Variants in THADA observed in about 807,000 individuals in gnomAD.
THADA encodes tRNA (32-2'-O)-methyltransferase regulator THADA.
A neutral mutation model predicts 219.8 loss-of-function variants in THADA; 213 were observed. That is an observed-to-expected ratio of 0.97 (90% CI 0.87 to 1.09). The LOEUF (loss-of-function observed/expected upper bound fraction) is 1.09. Ranked by LOEUF, THADA falls within the 50% of genes least tolerant of loss-of-function variation. The pLI is 0.00. For missense variants in THADA, 2,956 were observed against 2,311.3 expected (o/e 1.28, Z -5.72); for synonymous variants, 1,018 against 828.9 (o/e 1.23, Z -3.92).
chr2:43,398,040 C>G lies in THADA; in HGVS notation c.4158G>C (p.Leu1386=), dbSNP rs1193462354. The change falls in exon 29 of 38, where the codon CTG becomes CTC. Residue 1386 remains leucine, a synonymous_variant. Coordinates refer to ENST00000405975, the MANE Select transcript of THADA (RefSeq NM_022065.5). ...IDHIPNTIRT[L]LSTLPSCTDQ... is the part of the protein sequence containing the mutation. Reference sequence around the variant, plus strand: ...CAGTGCAGCTGGGGAGTGTGGACAACAGAGTTCGAATGGTATTAGGAATGT... The same window carrying G: ...CAGTGCAGCTGGGGAGTGTGGACAAGAGAGTTCGAATGGTATTAGGAATGT... 6.2e-7 allele frequency: 1 copy of G among 1,613,948 alleles called. No individual in the cohort carries two copies. The highest frequency in any genetic ancestry group is 1.7e-5 in the Admixed American group (1 of 60,020).
chr2:43,280,419 G>A (rs1344249422), intron 35 of THADA, among the ~76,000 whole-genome samples: 2 of 152,072 alleles, frequency 1.3e-5, no homozygotes, highest in Admixed American at 6.5e-5. Context: ...GGATCACGAG[G>A]TCAGGAGATT....
intron 36 of THADA, among the ~76,000 whole-genome samples, chr2:43,255,788 C>T (rs1042017272): frequency 6.6e-6 from 1 of 152,204 alleles, no homozygotes; most frequent in African/African-American, 2.4e-5. Context: ...AAACGGCTGA[C>T]AGGACTTTGC....
At chr2:43,303,942 T>C (rs767729409) in intron 31 of THADA, among the ~76,000 whole-genome samples, 3 of 152,208 alleles carry the variant, frequency 2.0e-5, no homozygotes, top group Non-Finnish European at 4.4e-5. Flanking sequence ...GTAATGCTGA[T>C]GCTGCTGGGG....
chr2:43,241,443 G>T (rs1340363956), intron 36 of THADA, among the ~76,000 whole-genome samples: 3 of 150,888 alleles, frequency 2.0e-5, no homozygotes, highest in Non-Finnish European at 3.0e-5. Flanking sequence ...ATATGCGGAG[G>T]CAGAATCCAA....
intron 31 of THADA, among the ~76,000 whole-genome samples, chr2:43,319,892 A>G (rs1363725022): frequency 6.6e-6 from 1 of 152,230 alleles, no homozygotes; most frequent in Non-Finnish European, 1.5e-5. Flanking sequence ...TTTTCCCTTA[A>G]AAAAGAAAAA....
chr2:43,323,100 A>T (rs1338101160), intron 30 of THADA, among the ~76,000 whole-genome samples: 3 of 152,114 alleles, frequency 2.0e-5, no homozygotes, highest in Non-Finnish European at 4.4e-5. Flanking sequence ...ATACCATTCT[A>T]TTAAGAACAT....
intron 26 of THADA, among the ~76,000 whole-genome samples, chr2:43,473,662 G>A (rs1685183945): frequency 6.6e-6 from 1 of 151,824 alleles, no homozygotes; most frequent in African/African-American, 2.4e-5. Context: ...AGGCTGGAGT[G>A]CAGTGGCGCG....
At chr2:43,274,785 G>A (rs932197392) in intron 36 of THADA, among the ~76,000 whole-genome samples, 2 of 151,998 alleles carry the variant, frequency 1.3e-5, no homozygotes, top group Non-Finnish European at 2.9e-5. Context: ...AAGAGCCACA[G>A]CCGATCTGCC....
At position 43,468,016 on chromosome 2, in the gene THADA, CT is replaced by C. The variant is rs571485936; in HGVS notation, c.3836+17217del. Among the ~76,000 whole-genome samples, 315 of 152,274 alleles carry C rather than the reference CT, an allele frequency of 2.1e-3. 1 individual carries two copies. The highest frequency in any genetic ancestry group is 7.2e-3 in the African/African-American group (297 of 41,538). ...CTGTTATGCTTGGAAAGGCCTAAAG[CT>C]TAATTGCAAGGCTTGAGGTGTAAGT... On this transcript the variant is annotated intron_variant, in intron 26 of 37. Transcript: ENST00000405975.
chr2:43,280,474 A>C (rs1218323389), intron 35 of THADA, among the ~76,000 whole-genome samples: 1 of 152,142 alleles, frequency 6.6e-6, no homozygotes, highest in Non-Finnish European at 1.5e-5. Flanking sequence ...TCTACTAAAA[A>C]TACAAAAATT....
intron 28 of THADA, chr2:43,408,364 G>A (rs1675848078): frequency 6.6e-6 from 1 of 152,184 alleles, no homozygotes. Flanking sequence ...AGATTAGGTT[G>A]CCTCTGAGCA....
intron 26 of THADA, among the ~76,000 whole-genome samples, chr2:43,451,568 T>C (rs1335339980): frequency 6.6e-6 from 1 of 152,182 alleles, no homozygotes; most frequent in Non-Finnish European, 1.5e-5. Flanking sequence ...GTCTAGTACA[T>C]AGGAGGCATT....
intron 22 of THADA, among the ~76,000 whole-genome samples, chr2:43,518,890 A>C (rs1049270519): frequency 1.3e-5 from 2 of 152,084 alleles, no homozygotes; most frequent in African/African-American, 4.8e-5. Context: ...GTCCCAGGTC[A>C]CACTATCTCC....
chr2:43,281,976 C>T (rs1673416287), intron 35 of THADA, among the ~76,000 whole-genome samples: 1 of 152,074 alleles, frequency 6.6e-6, no homozygotes, highest in African/African-American at 2.4e-5. Flanking sequence ...TGCTGTGTTG[C>T]CCAAGCTGGT....
intron 1 of THADA, 111 bp from the exon 2 acceptor site, chr2:43,592,527 T>G: frequency 1.7e-6 from 1 of 599,554 alleles, no homozygotes; most frequent in South Asian, 2.5e-5. Context: ...GCATTATGTT[T>G]CATGCATCCC....
chr2:43,479,065 ATGAATGACACT>A (rs964981688), intron 26 of THADA, among the ~76,000 whole-genome samples: 3 of 152,202 alleles, frequency 2.0e-5, no homozygotes, highest in Non-Finnish European at 4.4e-5. Flanking sequence ...TGGAAAATGC[ATGAATGACACT>A]CCAGACTATA....
chr2:43,344,308 T>TAA, intron 29 of THADA, 71 bp from the exon 30 acceptor site: 1 of 1,075,092 alleles, frequency 9.3e-7, no homozygotes, highest in Non-Finnish European at 1.3e-6. Context: ...TCCTCCCTTT[T>TAA]AAGTTTCCTT....
At chr2:43,386,767 C>T (rs1397027996) in intron 29 of THADA, among the ~76,000 whole-genome samples, 8 of 151,716 alleles carry the variant, frequency 5.3e-5, no homozygotes, top group Admixed American at 2.6e-4. Context: ...GCCAGTGGCG[C>T]GTGCCTGTAA....
rs796722393 is a variant in THADA, at chr2:43,591,953, T to C, written c.170A>G (p.Gln57Arg). ...DGVSQIHYIK[Q>R]IVPLLEKADK... is the part of the protein sequence containing the mutation. ...CCATGAATATCAATTCAGACTTACCTGTTTAATATAATGGATTTGTGACAC... is the reference window on the plus strand; with the variant it reads ...CCATGAATATCAATTCAGACTTACCCGTTTAATATAATGGATTTGTGACAC... Residue 57 changes from glutamine (Q) to arginine (R), a missense_variant and splice_region_variant, in exon 3 of 38, where the codon CAG becomes CGG. Coordinates refer to ENST00000405975, the MANE Select transcript of THADA (RefSeq NM_022065.5). 1 of 1,520,138 alleles carries C rather than the reference T, an allele frequency of 6.6e-7. No homozygotes were observed. The highest frequency in any genetic ancestry group is 8.9e-7 in the Non-Finnish European group (1 of 1,129,688). 94.2% of individuals were successfully genotyped at this position (1,520,138 alleles called of 1,614,324 possible).
Sources: gnomAD v4.1 joint callset for allele counts (sites outside exome capture counted in the v4.1 genomes callset) on GRCh38, gnomAD v4.1.1 for gene constraint, MANE v1.5 for transcripts, NCBI Gene and HGNC (gene_info 2026-07-23, HGNC 2026-07-21) for gene names.